The following MPPED1 variants were observed in gnomAD, a reference collection of about 807,000 sequenced individuals.
MPPED1 encodes the protein metallophosphoesterase domain-containing protein 1.
A neutral mutation model predicts 36.2 loss-of-function variants in MPPED1; 16 were observed. The observed-to-expected ratio is 0.44, with a 90% confidence interval of 0.30 to 0.67. The LOEUF (loss-of-function observed/expected upper bound fraction) is 0.67, where lower values mean the gene tolerates loss of function less well. MPPED1 is among the 30% of genes least tolerant of loss of function. The pLI, the probability that MPPED1 is intolerant of heterozygous loss-of-function variation, is 0.10. For missense variants in MPPED1, 307 were observed against 453.4 expected (o/e 0.68, Z 2.93); for synonymous variants, 199 against 191.3 (o/e 1.04, Z -0.33).
At chr22:43,504,045 A>G (rs942968852) in intron 6 of MPPED1, among the ~76,000 whole-genome samples, 38 of 152,122 alleles carry the variant, frequency 2.5e-4, no homozygotes, top group African/African-American at 8.5e-4. Context: ...GATGATAATG[A>G]TAGTGATGAT....
intron 1 of MPPED1, among the ~76,000 whole-genome samples, chr22:43,413,993 G>T (rs943893732): frequency 6.6e-6 from 1 of 152,172 alleles, no homozygotes; most frequent in African/African-American, 2.4e-5. Flanking sequence ...AGGTACCTCT[G>T]ATGTAACCAC....
chr22:43,484,948 C>T (rs1931863301), intron 4 of MPPED1, among the ~76,000 whole-genome samples: 1 of 152,194 alleles, frequency 6.6e-6, no homozygotes, highest in Admixed American at 6.5e-5. Context: ...GCATCAGTTA[C>T]ATTCTGATGG....
chr22:43,433,541 C>G (rs1262745221), intron 2 of MPPED1, among the ~76,000 whole-genome samples: 1 of 150,822 alleles, frequency 6.6e-6, no homozygotes, highest in Non-Finnish European at 1.5e-5. Flanking sequence ...TTCCTCCCAG[C>G]GTAGACCAGC....
chr22:43,449,619 C>G (rs745546218), intron 3 of MPPED1, among the ~76,000 whole-genome samples: 3 of 152,166 alleles, frequency 2.0e-5, no homozygotes, highest in Non-Finnish European at 4.4e-5. Flanking sequence ...AACTCTTCCA[C>G]CTGCCACCCA....
At chr22:43,483,300 C>A (rs1041677887) in intron 4 of MPPED1, among the ~76,000 whole-genome samples, 1 of 152,246 alleles carries the variant, frequency 6.6e-6, no homozygotes, top group Non-Finnish European at 1.5e-5. Flanking sequence ...TGGCGGGATG[C>A]CTGGCCGGCC....
At position 43,424,912 on chromosome 22, in the gene MPPED1, T is replaced by C; in HGVS notation, c.-74T>C. The stretch of plus-strand genomic sequence containing the variant: ...GGTTCTGCTCCGTCTCCTCAGTCTG[T>C]TTCCAGGTCTGGCGGGGGGCCGGGC... On this transcript the variant is annotated 5_prime_UTR_variant, in exon 2 of 7. Coordinates refer to ENST00000443721, the MANE Select transcript of MPPED1 (RefSeq NM_001044370.2). 6.5e-7 allele frequency: 1 copy of C among 1,534,898 alleles called. No homozygotes were observed. The highest frequency in any genetic ancestry group is 8.7e-7 in the Non-Finnish European group (1 of 1,143,162).
At chr22:43,480,945 T>C (rs546201667) in intron 4 of MPPED1, among the ~76,000 whole-genome samples, 2 of 151,922 alleles carry the variant, frequency 1.3e-5, no homozygotes, top group African/African-American at 4.8e-5. Context: ...TGCCTCAGCC[T>C]CCTGAGTAGC....
chr22:43,503,220 G>A (rs1017330938), intron 6 of MPPED1, among the ~76,000 whole-genome samples: 3 of 152,178 alleles, frequency 2.0e-5, no homozygotes, highest in Non-Finnish European at 4.4e-5. Flanking sequence ...TGATGGTGAG[G>A]GTGATGTCAG....
intron 1 of MPPED1, among the ~76,000 whole-genome samples, chr22:43,420,677 C>T (rs1161547912): frequency 6.6e-6 from 1 of 152,232 alleles, no homozygotes; most frequent in Non-Finnish European, 1.5e-5. Context: ...GCTGGGATTG[C>T]AGGTGTGAGC....
At chr22:43,419,884 C>T (rs1386393468) in intron 1 of MPPED1, among the ~76,000 whole-genome samples, 1 of 152,116 alleles carries the variant, frequency 6.6e-6, no homozygotes, top group Admixed American at 6.5e-5. Flanking sequence ...TTGGAGCACC[C>T]TGGCCTCACT....
intron 3 of MPPED1, among the ~76,000 whole-genome samples, chr22:43,466,420 T>C (rs1931173789): frequency 6.6e-6 from 1 of 152,174 alleles, no homozygotes; most frequent in African/African-American, 2.4e-5. Context: ...GCCTCAGTTC[T>C]CATCTCCAGC....
At chr22:43,457,260 T>A (rs1488809646) in intron 3 of MPPED1, among the ~76,000 whole-genome samples, 2 of 152,200 alleles carry the variant, frequency 1.3e-5, no homozygotes, top group African/African-American at 4.8e-5. Context: ...TAAAATATTC[T>A]TCCTTTTCTC....
intron 2 of MPPED1, among the ~76,000 whole-genome samples, chr22:43,427,304 C>A (rs1211415751): frequency 2.0e-5 from 3 of 152,126 alleles, no homozygotes; most frequent in East Asian, 3.9e-4. Context: ...CCAGGAAAGA[C>A]CCCCTGGAGA....
At chr22:43,439,137 C>G (rs1015115964) in intron 3 of MPPED1, among the ~76,000 whole-genome samples, 1 of 152,198 alleles carries the variant, frequency 6.6e-6, no homozygotes, top group Non-Finnish European at 1.5e-5. Context: ...CTGTGAGGTG[C>G]GTTGCTGTCA....
intron 5 of MPPED1, among the ~76,000 whole-genome samples, chr22:43,499,456 G>T (rs1932549459): frequency 6.8e-6 from 1 of 147,566 alleles, no homozygotes. Flanking sequence ...GGGAGGTAGT[G>T]ATGGTGATGG....
At chr22:43,475,105 A>T in intron 4 of MPPED1, 144 bp downstream of exon 4, 1 of 697,762 alleles carries the variant, frequency 1.4e-6, no homozygotes, top group Non-Finnish European at 2.4e-6. Flanking sequence ...CCTCTGTGTG[A>T]CCTAGGCAGG....
chr22:43,440,209 A>G (rs909161641), intron 3 of MPPED1, among the ~76,000 whole-genome samples: 4 of 152,182 alleles, frequency 2.6e-5, no homozygotes, highest in Admixed American at 2.0e-4. Context: ...GCCACCAGTA[A>G]ATGGGAGCTT....
chr22:43,435,283 GCTGC>G, intron 3 of MPPED1, 68 bp downstream of exon 3: 1 of 1,507,460 alleles, frequency 6.6e-7, no homozygotes, highest in Non-Finnish European at 8.9e-7. Flanking sequence ...AGCTCCCGAG[GCTGC>G]CTGCCTGCCT....
intron 4 of MPPED1, among the ~76,000 whole-genome samples, chr22:43,484,262 C>G (rs938624539): frequency 6.6e-6 from 1 of 152,254 alleles, no homozygotes; most frequent in Non-Finnish European, 1.5e-5. Flanking sequence ...ATGTAGTCTG[C>G]CTAGCAACAG....
Sources: gnomAD v4.1 joint callset for allele counts (sites outside exome capture counted in the v4.1 genomes callset) on GRCh38, gnomAD v4.1.1 for gene constraint, MANE v1.5 for transcripts, NCBI Gene and HGNC (gene_info 2026-07-23, HGNC 2026-07-21) for gene names.